ZSCAN5A: variants seen among roughly 807,000 people sequenced by gnomAD.
The protein encoded by ZSCAN5A is zinc finger and SCAN domain-containing protein 5A.
In ZSCAN5A, 12 loss-of-function variants were observed where a neutral mutation model predicts 23.7. That is an observed-to-expected ratio of 0.51 (90% CI 0.32 to 0.82). ZSCAN5A has a LOEUF of 0.82. Ranked by LOEUF, ZSCAN5A falls within the 40% of genes least tolerant of loss-of-function variation. The pLI is 0.03. For missense variants in ZSCAN5A, 597 were observed against 617.9 expected (o/e 0.97, Z 0.36); for synonymous variants, 257 against 239.9 (o/e 1.07, Z -0.66).
At chr19:56,314,541 G>C (rs1210258104) in intron 1 of ZSCAN5A, 140 bp downstream of exon 1, 2 of 152,174 alleles carry the variant, frequency 1.3e-5, no homozygotes, top group South Asian at 2.1e-4. Flanking sequence ...CCCATCCCCG[G>C]GCTCGGTCCT....
intron 2 of ZSCAN5A, among the ~76,000 whole-genome samples, chr19:56,329,627 T>C (rs2041471359): frequency 1.3e-5 from 2 of 151,654 alleles, no homozygotes; most frequent in Admixed American, 1.3e-4. Context: ...AAATTGAAAA[T>C]AGAAAAATAG....
chr19:56,247,146 A>G (rs775694648), intron 2 of ZSCAN5A: 1 of 647,102 alleles, frequency 1.5e-6, no homozygotes, highest in East Asian at 2.6e-5. Flanking sequence ...GACCCTTTCA[A>G]TGTAATTTCT....
intron 2 of ZSCAN5A, among the ~76,000 whole-genome samples, chr19:56,270,829 C>G (rs1380947194): frequency 6.6e-6 from 1 of 152,072 alleles, no homozygotes. Context: ...TGCTAAATAT[C>G]CCACAAAGCG....
intron 2 of ZSCAN5A, among the ~76,000 whole-genome samples, chr19:56,305,253 C>T (rs1386305202): frequency 1.3e-5 from 2 of 150,394 alleles, no homozygotes; most frequent in Admixed American, 6.6e-5. Context: ...TCGTCTCTTC[C>T]CCCTGTTCCT....
At chr19:56,305,194 G>A (rs2040603829) in intron 2 of ZSCAN5A, among the ~76,000 whole-genome samples, 1 of 152,116 alleles carries the variant, frequency 6.6e-6, no homozygotes, top group East Asian at 1.9e-4. Flanking sequence ...CCACTAATCT[G>A]TTTCCAGAAT....
In ZSCAN5A at chr19:56,313,267, G is replaced by A. The variant is rs761037809; in HGVS notation, c.-128+16C>T. 8.5e-6 allele frequency: 3 copies of A among 351,330 alleles called. No homozygotes were observed. Among genetic ancestry groups the A allele is most frequent in the South Asian group, 4.4e-5 (2 of 45,756 alleles). The allele number at this position is 351,330 out of a possible 1,614,324, so 21.8% of individuals were successfully genotyped here. A position where few individuals can be genotyped will look rare whatever the true frequency, so the allele number is the denominator to read the frequency against. On this transcript the variant is annotated intron_variant, in intron 2 of 5. Transcript: ENST00000683990. ...AAGACTGGGCAATTTACAAAAGAAA[G>A]GTTTAATGGACTTACAGTTTCACGT...
chr19:56,320,612 CAAA>C, intron 2 of ZSCAN5A: 4 of 638,912 alleles, frequency 6.3e-6, no homozygotes, highest in South Asian at 1.6e-5. Context: ...AATTCTGTCT[CAAA>C]AATAATAATA....
chr19:56,365,801 T>C (rs1158584867), intron 1 of ZSCAN5A: 13 of 152,314 alleles, frequency 8.5e-5, no homozygotes, highest in Admixed American at 3.9e-4. Flanking sequence ...AATTGATGAA[T>C]TGCTGGAAGC....
At chr19:56,346,520 A>C (rs2041634165) in intron 2 of ZSCAN5A, among the ~76,000 whole-genome samples, 1 of 150,254 alleles carries the variant, frequency 6.7e-6, no homozygotes, top group Non-Finnish European at 1.5e-5. Flanking sequence ...AGCAAGTAAA[A>C]CTCTAGAAAA....
chr19:56,236,358 C>T (rs376911810), intron 2 of ZSCAN5A, among the ~76,000 whole-genome samples: 20 of 75,776 alleles, frequency 2.6e-4, no homozygotes, highest in East Asian at 1.3e-3. Flanking sequence ...CTCTGATGGA[C>T]GGTGGGCCAA....
intron 2 of ZSCAN5A, among the ~76,000 whole-genome samples, chr19:56,265,247 C>T (rs937284527): frequency 2.6e-5 from 4 of 151,544 alleles, no homozygotes; most frequent in African/African-American, 9.7e-5. Context: ...TCAGATCCAT[C>T]CTAGCACAGG....
intron 1 of ZSCAN5A, chr19:56,364,997 G>A (rs2041756092): frequency 6.6e-6 from 1 of 152,158 alleles, no homozygotes. Context: ...TCATCGTGCT[G>A]TACACTTAAG....
At chr19:56,271,673 C>A (rs73621093) in intron 2 of ZSCAN5A, among the ~76,000 whole-genome samples, 1 of 152,110 alleles carries the variant, frequency 6.6e-6, no homozygotes, top group African/African-American at 2.4e-5. Context: ...CCAGAGATGG[C>A]GGCAGGAGAG....
chr19:56,351,584 GTTCTC>G lies in ZSCAN5A; in HGVS notation c.-358+11646_-358+11650del, dbSNP rs1568764256. On this transcript the variant is annotated intron_variant, in intron 2 of 6. Transcript: ENST00000587340. This position sits in a 1 kb window ranked among gnomAD's most constrained non-coding sequence, Gnocchi z 4.8. Reference sequence around the variant, plus strand: ...TCCCATGTCTCAGTACGGGGGAGCTGTTCTCTTCTTTCTTCCTTCTTACTTGCTAT... The same window carrying G: ...TCCCATGTCTCAGTACGGGGGAGCTGTTCTTTCTTCCTTCTTACTTGCTAT... Among the ~76,000 whole-genome samples, 1 of 152,084 alleles carries G rather than the reference GTTCTC, an allele frequency of 6.6e-6. No homozygotes were observed. Among genetic ancestry groups the G allele is most frequent in the East Asian group, 1.9e-4 (1 of 5,184 alleles).
chr19:56,278,852 T>A (rs971122896), intron 2 of ZSCAN5A, among the ~76,000 whole-genome samples: 1 of 152,120 alleles, frequency 6.6e-6, no homozygotes, highest in Non-Finnish European at 1.5e-5. Flanking sequence ...GAGAAGGGCA[T>A]CCCAGCTGCA....
intron 2 of ZSCAN5A, among the ~76,000 whole-genome samples, chr19:56,230,134 CAA>C (rs2034327974): frequency 6.6e-6 from 1 of 152,098 alleles, no homozygotes; most frequent in African/African-American, 2.4e-5. Flanking sequence ...TATTTTGAGA[CAA>C]AGTGTCGCTC....
chr19:56,251,340 A>G (rs1029464569), intron 2 of ZSCAN5A, among the ~76,000 whole-genome samples: 3 of 152,102 alleles, frequency 2.0e-5, no homozygotes, highest in Admixed American at 6.6e-5. Context: ...AAGATACACT[A>G]GTTTTGGACT....
intron 2 of ZSCAN5A, among the ~76,000 whole-genome samples, chr19:56,293,356 C>G (rs535353610): frequency 1.3e-5 from 2 of 152,170 alleles, no homozygotes; most frequent in Admixed American, 6.5e-5. Flanking sequence ...GGATCCCAAA[C>G]GGTGCTATTA....
chr19:56,362,014 T>C (rs935610965), intron 2 of ZSCAN5A, among the ~76,000 whole-genome samples: 4 of 151,194 alleles, frequency 2.6e-5, no homozygotes, highest in African/African-American at 7.3e-5. Flanking sequence ...AAAAATTAGC[T>C]GGGCGGGGTG....
Sources: gnomAD v4.1 joint callset for allele counts (sites outside exome capture counted in the v4.1 genomes callset) on GRCh38, gnomAD v4.1.1 for gene constraint, Gnocchi (gnomAD v3.1) non-coding constraint, MANE v1.5 for transcripts, NCBI Gene and HGNC (gene_info 2026-07-23, HGNC 2026-07-21) for gene names.